The following NCOA3 variants were observed in gnomAD, a reference collection of about 807,000 sequenced individuals.
NCOA3 encodes the protein CBP-interacting protein.
Under a neutral mutation model 158.8 loss-of-function variants are expected in NCOA3, and 51 were observed. The observed-to-expected ratio is 0.32, with a 90% CI of 0.26 to 0.41. The LOEUF is 0.41. Ranked by LOEUF, NCOA3 falls within the 10% of genes least tolerant of loss-of-function variation. The probability of loss-of-function intolerance (pLI) is 1.00; values close to 1 mark genes in which losing one functional copy is unlikely to be tolerated. For synonymous variants in NCOA3, 537 were observed against 592.4 expected (o/e 0.91, Z 1.36); for missense variants, 1,510 against 1,746.6 (o/e 0.86, Z 2.41).
In NCOA3 at chr20:47,626,992, C is replaced by A. The variant is rs758798076; in HGVS notation, c.358-10C>A. On this transcript the variant is annotated splice_polypyrimidine_tract_variant and intron_variant, in intron 5 of 22. Coordinates refer to ENST00000371998, the MANE Select transcript of NCOA3 (RefSeq NM_181659.3). ...TCCATAACAGCCTGTATTAACATATCCTATTTTAGGCATTGGATGGTTTCC... is the reference window on the plus strand; with the variant it reads ...TCCATAACAGCCTGTATTAACATATACTATTTTAGGCATTGGATGGTTTCC... The A allele has an allele frequency of 6.2e-7, 1 of 1,606,480 alleles. No individual in the cohort carries two copies. Among genetic ancestry groups the A allele is most frequent in the East Asian group, 2.2e-5 (1 of 44,760 alleles).
intron 1 of NCOA3, among the ~76,000 whole-genome samples, chr20:47,576,793 T>C (rs1165032066): frequency 1.3e-5 from 2 of 152,226 alleles, no homozygotes; most frequent in African/African-American, 2.4e-5. Flanking sequence ...TAGCAATTCT[T>C]GTGGAACGCC....
chr20:47,582,730 C>T (rs1401494722), intron 1 of NCOA3, among the ~76,000 whole-genome samples: 2 of 152,114 alleles, frequency 1.3e-5, no homozygotes, highest in African/African-American at 4.8e-5. Flanking sequence ...TACTCAAATT[C>T]CTAGGAAGAG....
At chr20:47,603,823 G>T (rs1228703487) in intron 2 of NCOA3, among the ~76,000 whole-genome samples, 1 of 152,060 alleles carries the variant, frequency 6.6e-6, no homozygotes, top group Non-Finnish European at 1.5e-5. Context: ...TCTTCTGTTT[G>T]TCTCCTTGTG....
At chr20:47,520,968 C>T (rs531237437) in intron 1 of NCOA3, among the ~76,000 whole-genome samples, 9 of 152,326 alleles carry the variant, frequency 5.9e-5, no homozygotes, top group South Asian at 4.1e-4. Context: ...CGAACAACAC[C>T]GCAAGTACGG....
intron 1 of NCOA3, among the ~76,000 whole-genome samples, chr20:47,580,090 G>A (rs1337295670): frequency 6.6e-6 from 1 of 152,104 alleles, no homozygotes; most frequent in African/African-American, 2.4e-5. Context: ...TCCACCTGGG[G>A]GTCCAGCAGT....
At chr20:47,592,350 T>C (rs1464162653) in intron 2 of NCOA3, among the ~76,000 whole-genome samples, 1 of 152,204 alleles carries the variant, frequency 6.6e-6, no homozygotes, top group Non-Finnish European at 1.5e-5. Flanking sequence ...CAGCCGACCA[T>C]TTGATATGTT....
rs368676623 is a variant in NCOA3, at chr20:47,639,050, A to G, written c.2555A>G (p.Tyr852Cys). The change falls in exon 14 of 23, where the codon TAT becomes TGT. Residue 852 changes from tyrosine to cysteine, a missense_variant. Physicochemically the swap from Tyr to Cys is radical, Grantham distance 194. Transcript: ENST00000371998. ...TCTGTGCAGTCTATTCGTCCTCCAT[A>G]TAACCGAGCAGTGTCTCTGGATAGC... ...SQSVQSIRPP[Y>C]NRAVSLDSPV... 199 of 1,613,998 alleles carry G rather than the reference A, an allele frequency of 1.2e-4. No individual in the cohort carries two copies. Among genetic ancestry groups the G allele is most frequent in the Non-Finnish European group, 1.6e-4 (189 of 1,180,022 alleles).
intron 1 of NCOA3, among the ~76,000 whole-genome samples, chr20:47,513,751 T>C (rs2084186308): frequency 6.8e-6 from 1 of 147,458 alleles, no homozygotes; most frequent in South Asian, 2.1e-4. Context: ...AAAAAAATTA[T>C]AAGCAACTGT....
At chr20:47,621,654 A>ATTTTTTTTTTTTTTTTTTTTTTTT (rs749582388) in intron 2 of NCOA3, among the ~76,000 whole-genome samples, 4 of 119,792 alleles carry the variant, frequency 3.3e-5, no homozygotes, top group African/African-American at 1.0e-4. Context: ...CATCAGTCAA[A>ATTTTTTTTTTTTTTTTTTTTTTTT]TTTTTTTTTT....
At chr20:47,620,946 C>T (rs2086230730) in intron 2 of NCOA3, among the ~76,000 whole-genome samples, 1 of 152,118 alleles carries the variant, frequency 6.6e-6, no homozygotes, top group African/African-American at 2.4e-5. Context: ...GACATTGACA[C>T]GTTTGAAAAT....
At chr20:47,584,979 T>G (rs940304692) in intron 2 of NCOA3, among the ~76,000 whole-genome samples, 1 of 152,080 alleles carries the variant, frequency 6.6e-6, no homozygotes, top group Non-Finnish European at 1.5e-5. Context: ...CTGTTTCACC[T>G]TGTGAAGACA....
intron 1 of NCOA3, among the ~76,000 whole-genome samples, chr20:47,572,017 T>C (rs1039214279): frequency 6.6e-6 from 1 of 152,182 alleles, no homozygotes; most frequent in Non-Finnish European, 1.5e-5. Context: ...TGTGAGCCAC[T>C]ACACCTGGCC....
intron 1 of NCOA3, among the ~76,000 whole-genome samples, chr20:47,534,063 C>T (rs1213746345): frequency 7.6e-6 from 1 of 131,274 alleles, no homozygotes; most frequent in East Asian, 2.3e-4. Flanking sequence ...TTGTATATAT[C>T]TTCTTTTGAA....
chr20:47,522,054 ATTTAGT>A (rs112936311), intron 1 of NCOA3, among the ~76,000 whole-genome samples: 2,352 of 133,228 alleles, frequency 0.018, 61 homozygotes, highest in African/African-American at 0.062. Context: ...TTTAGGTCTT[ATTTAGT>A]TTCCGTTAGC....
In NCOA3 at chr20:47,634,067, A is replaced by G. The variant is rs185171931; in HGVS notation, c.984A>G (p.Ala328=). 35 of 1,614,166 alleles carry G rather than the reference A, an allele frequency of 2.2e-5. No homozygotes were observed. In the East Asian group the frequency reaches 7.1e-4, roughly 33 times the overall value. The change falls in exon 10 of 23, where the codon GCA becomes GCG. Residue 328 remains alanine (A), a synonymous_variant. Coordinates refer to ENST00000371998, the MANE Select transcript of NCOA3 (RefSeq NM_181659.3). ...HYQEAYLNGH[A]ETPVYRFSLA... ...CAACAGCTTATCTTAATGGCCATGCAGAAACCCCAGTATATCGATTCTCGT... is the reference window on the plus strand; with the variant it reads ...CAACAGCTTATCTTAATGGCCATGCGGAAACCCCAGTATATCGATTCTCGT...
At chr20:47,578,044 G>A (rs1471281617) in intron 1 of NCOA3, among the ~76,000 whole-genome samples, 1 of 151,946 alleles carries the variant, frequency 6.6e-6, no homozygotes. Flanking sequence ...TGTTATAAAT[G>A]TCTTACCAAT....
In NCOA3 at chr20:47,540,515, T is replaced by C. The variant is rs540207739; in HGVS notation, c.-99+38496T>C. 6.7e-5 allele frequency among the ~76,000 whole-genome samples: 10 copies of C among 150,352 alleles called. No individual in the cohort carries two copies. The South Asian group carries it at 1.9e-3, about 28-fold the overall frequency. On this transcript the variant is annotated intron_variant, in intron 1 of 22. Coordinates refer to ENST00000371998, the MANE Select transcript of NCOA3 (RefSeq NM_181659.3). ...TGAACCTAGGAGGTGGAGTTTGCAG[T>C]GAGCTGAGACCGCAGGATTGTACTG...
chr20:47,628,047 C>G (rs1431689239), intron 8 of NCOA3, 24 bp downstream of exon 8: 1 of 1,541,188 alleles, frequency 6.5e-7, no homozygotes, highest in East Asian at 2.2e-5. Flanking sequence ...TTTTGTCTCT[C>G]TCTCTCTCTG....
chr20:47,643,383 G>A (rs1210920472), intron 17 of NCOA3, among the ~76,000 whole-genome samples: 1 of 152,232 alleles, frequency 6.6e-6, no homozygotes, highest in Admixed American at 6.5e-5. Flanking sequence ...GATGGGAAAC[G>A]CTGAGCAGTC....
Sources: gnomAD v4.1 joint callset for allele counts (sites outside exome capture counted in the v4.1 genomes callset) on GRCh38, gnomAD v4.1.1 for gene constraint, MANE v1.5 for transcripts, NCBI Gene and HGNC (gene_info 2026-07-23, HGNC 2026-07-21) for gene names.